The following CST8 variants were observed in gnomAD, a reference collection of about 807,000 sequenced individuals.
CST8 encodes the protein cystatin-8.
Under a neutral mutation model 11.8 loss-of-function variants are expected in CST8, and 20 were observed. The ratio of observed to expected loss-of-function variants is 1.70; its 90% CI spans 1.20 to 2.47. CST8 has a LOEUF of 2.47. CST8 is among the 30% of genes most tolerant of loss of function. CST8 has a pLI of 0.00. For synonymous variants in CST8, 77 were observed against 63.1 expected (o/e 1.22, Z -1.05); for missense variants, 196 against 167.2 (o/e 1.17, Z -0.95).
downstream of CST8, among the ~76,000 whole-genome samples, chr20:23,496,683 A>G (rs1988055246): frequency 6.6e-6 from 1 of 152,226 alleles, no homozygotes; most frequent in Admixed American, 6.5e-5. Context: ...TGGGAGCACT[A>G]CGGGAAACTG....
intron 3 of CST8, 76 bp from the exon 4 acceptor site, chr20:23,495,755 A>C: frequency 9.0e-7 from 1 of 1,111,924 alleles, no homozygotes; most frequent in Non-Finnish European, 1.3e-6. Flanking sequence ...ACCTAGCAAC[A>C]GGACAATTGT....
At chr20:23,505,294 G>A in the CST8 span, among the ~76,000 whole-genome samples, 3 of 151,794 alleles carry the variant, frequency 2.0e-5, no homozygotes, top group East Asian at 1.9e-4. Context: ...ACGGGTGCCC[G>A]CCACCATGGC....
the CST8 span, among the ~76,000 whole-genome samples, chr20:23,501,721 A>G: frequency 1.3e-5 from 2 of 152,248 alleles, no homozygotes; most frequent in African/African-American, 2.4e-5. Context: ...TCAGACGCTG[A>G]TGATGGCCAC....
At chr20:23,500,640 G>A (rs1363689856), downstream of CST8, among the ~76,000 whole-genome samples, 1 of 152,080 alleles carries the variant, frequency 6.6e-6, no homozygotes, top group African/African-American at 2.4e-5. Flanking sequence ...AAAATGTCAG[G>A]GACAGACAGT....
downstream of CST8, among the ~76,000 whole-genome samples, chr20:23,496,433 G>T (rs181379977): frequency 3.3e-4 from 51 of 152,244 alleles, no homozygotes; most frequent in African/African-American, 1.1e-3. Flanking sequence ...AGGGGAGGGA[G>T]TGTACAAATA....
Position 23,491,509 on chromosome 20 carries a change from C to T in CST8, c.-143-16C>T. 1.6e-6 allele frequency: 1 copy of T among 637,866 alleles called. No homozygotes were observed. The highest frequency in any genetic ancestry group is 2.8e-6 in the Non-Finnish European group (1 of 361,980). 39.5% of individuals were successfully genotyped at this position (637,866 alleles called of 1,614,324 possible). On this transcript the variant is annotated splice_polypyrimidine_tract_variant and intron_variant, in intron 1 of 3. Transcript: ENST00000246012. ...AAACCCCAAAGAGTGACCCTAATGG[C>T]CTGTCTTGAATCCAGCTGGGCTGAC...
At chr20:23,506,261 A>G in the CST8 span, among the ~76,000 whole-genome samples, 3 of 152,168 alleles carry the variant, frequency 2.0e-5, no homozygotes, top group Non-Finnish European at 4.4e-5. Context: ...CGGGAAACAC[A>G]GCATGCCTAT....
At chr20:23,493,191 G>A in intron 3 of CST8, 120 bp downstream of exon 3, 1 of 697,304 alleles carries the variant, frequency 1.4e-6, no homozygotes, top group Non-Finnish European at 2.6e-6. Context: ...GCCCCAGATA[G>A]CCAACCCTGT....
rs1346114504 is a variant in CST8 at position 23,492,957 on chromosome 20, G to A, written c.232-1G>A. On this transcript the variant is annotated splice_acceptor_variant, in intron 2 of 3. Coordinates refer to ENST00000246012, the MANE Select transcript of CST8 (RefSeq NM_005492.4). LOFTEE classifies it high-confidence loss of function. ...AAAATTGCATAATTGCTAACCAACA[G>A]GTCACAAATCTTCTGGAATACCTTA... 4 of 1,557,862 alleles carry A rather than the reference G, an allele frequency of 2.6e-6. No homozygotes were observed. Among genetic ancestry groups the A allele is most frequent in the African/African-American group, 1.4e-5 (1 of 73,668 alleles).
intron 3 of CST8, among the ~76,000 whole-genome samples, chr20:23,494,811 G>T (rs2122197835): frequency 6.6e-6 from 1 of 152,334 alleles, no homozygotes; most frequent in African/African-American, 2.4e-5. Context: ...GAACAAAAGG[G>T]ATTTTAAAAA....
chr20:23,494,792 T>C (rs116766543), intron 3 of CST8, among the ~76,000 whole-genome samples: 2,056 of 152,354 alleles, frequency 0.013, 32 homozygotes, highest in African/African-American at 0.045. Flanking sequence ...TGCTCTTGAC[T>C]TGTTATTAGA....
At position 23,491,785 on chromosome 20, in the gene CST8, G is replaced by T. The variant is rs141675075; in HGVS notation, c.118G>T (p.Ala40Ser). ...GCTGAGGAAATTAAAACCCGTCAAT[G>T]CCTCAAATGCCAACGTGAAGCAGTG... ...GVLRKLKPVN[A>S]SNANVKQCLW... The change falls in exon 2 of 4, where the codon GCC (alanine) becomes TCC (serine). Residue 40 changes from alanine (A) to serine (S), a missense_variant. Coordinates refer to ENST00000246012, the MANE Select transcript of CST8 (RefSeq NM_005492.4). The T allele has an allele frequency of 6.2e-7, 1 of 1,614,088 alleles. No individual in the cohort carries two copies.
rs1987864431 is a variant in CST8 at position 23,491,146 on chromosome 20, A to T, written c.-340A>T. 6.4e-6 allele frequency: 1 copy of T among 156,124 alleles called. No individual in the cohort carries two copies. The highest frequency in any genetic ancestry group is 2.0e-4 in the South Asian group (1 of 5,018). 9.7% of individuals were successfully genotyped at this position (156,124 alleles called of 1,614,324 possible). On this transcript the variant is annotated 5_prime_UTR_variant, in exon 1 of 4. Transcript: ENST00000246012. ...ACCCTTGACTGGGCCACAGGCATGAACTAAGAGTGCTGAAGACCTAGGAGA... is the reference window on the plus strand; with the variant it reads ...ACCCTTGACTGGGCCACAGGCATGATCTAAGAGTGCTGAAGACCTAGGAGA...
Position 23,491,725 on chromosome 20 carries a change from G to A in CST8, c.58G>A (p.Ala20Thr), listed in dbSNP as rs375998352. The A allele has an allele frequency of 6.2e-7, 1 of 1,613,988 alleles. No individual in the cohort carries two copies. The highest frequency in any genetic ancestry group is 8.5e-7 in the Non-Finnish European group (1 of 1,179,938). ...ILLTIPLALVARKDPKKNETG... is the reference protein window; with the variant it reads ...ILLTIPLALVTRKDPKKNETG... ...CCTCACCATTCCCCTGGCCCTGGTG[G>A]CCAGGAAAGACCCAAAAAAGAATGA... Residue 20 changes from alanine to threonine, a missense_variant, in exon 2 of 4, where the codon GCC (alanine) becomes ACC (threonine). Physicochemically the swap from Ala to Thr is moderately conservative, Grantham distance 58. Transcript: ENST00000246012.
chr20:23,506,399 A>T, the CST8 span, among the ~76,000 whole-genome samples: 1 of 152,102 alleles, frequency 6.6e-6, no homozygotes, highest in African/African-American at 2.4e-5. Flanking sequence ...TTCTTTTGGG[A>T]CCTACCAGTT....
rs770746688 is a variant in CST8 at position 23,493,029 on chromosome 20, T to G, written c.303T>G (p.Thr101=). 1.2e-6 allele frequency: 2 copies of G among 1,613,084 alleles called. No homozygotes were observed. Among genetic ancestry groups the G allele is most frequent in the African/African-American group, 1.3e-5 (1 of 75,006 alleles). The change falls in exon 3 of 4, where the codon ACT becomes ACG. Residue 101 remains threonine (T), a synonymous_variant. Transcript: ENST00000246012. ...GCGATTGCAGAAAGCCTTTAAGCAC[T>G]AATGAAATCTGCGCCATTCAAGAAA... ...ARSDCRKPLS[T]NEICAIQENS... is the part of the protein sequence containing the mutation.
downstream of CST8, among the ~76,000 whole-genome samples, chr20:23,498,630 C>T (rs1229355930): frequency 6.6e-6 from 1 of 152,240 alleles, no homozygotes; most frequent in Non-Finnish European, 1.5e-5. Context: ...CCCTCTTCAG[C>T]CCCTGCCTGT....
the CST8 span, among the ~76,000 whole-genome samples, chr20:23,504,077 T>C: frequency 9.2e-5 from 14 of 152,216 alleles, no homozygotes; most frequent in Admixed American, 7.2e-4. Flanking sequence ...AAACTTTTAA[T>C]CTGAGGAATG....
chr20:23,502,014 C>T, the CST8 span, among the ~76,000 whole-genome samples: 1 of 152,166 alleles, frequency 6.6e-6, no homozygotes, highest in African/African-American at 2.4e-5. Flanking sequence ...CCAGGTGAAG[C>T]TGATAAAACT....
Sources: allele counts gnomAD v4.1 joint callset (sites outside exome capture counted in the v4.1 genomes callset), GRCh38; gene constraint gnomAD v4.1.1; transcripts MANE v1.5; gene names NCBI Gene and HGNC (gene_info 2026-07-23, HGNC 2026-07-21).